Variants in IL9 observed in about 807,000 individuals in gnomAD.
The protein encoded by IL9 is interleukin-9.
Under a neutral mutation model 12.9 loss-of-function variants are expected in IL9, and 16 were observed. The observed-to-expected ratio is 1.24, with a 90% CI of 0.84 to 1.88. The LOEUF (loss-of-function observed/expected upper bound fraction) is 1.88. Among genes scored for constraint, IL9 ranks in the 40% most tolerant of loss-of-function variants. The pLI is 0.00. For synonymous variants in IL9, 69 were observed against 63.8 expected, an observed-to-expected ratio of 1.08 and a Z score of -0.39; for missense variants, 170 against 173.1, an observed-to-expected ratio of 0.98 and a Z score of 0.10.
At chr5:135,893,893 G>T in intron 4 of IL9, 127 bp downstream of exon 4, 1 of 678,220 alleles carries the variant, frequency 1.5e-6, no homozygotes, top group Non-Finnish European at 2.4e-6. Context: ...AAAATTCTTA[G>T]ATGTCTTTTA....
At chr5:135,894,650 C>T (rs991090478) in intron 3 of IL9, among the ~76,000 whole-genome samples, 4 of 152,300 alleles carry the variant, frequency 2.6e-5, no homozygotes, top group East Asian at 3.9e-4. Context: ...GGATGGACCG[C>T]GATGGGTGCG....
At chr5:135,892,761 CACACACACACACACACA>C (rs1561570684) in intron 4 of IL9, among the ~76,000 whole-genome samples, 88 of 151,536 alleles carry the variant, frequency 5.8e-4, no homozygotes, top group African/African-American at 2.0e-3. Context: ...CACACACACA[CACACACACACACACACA>C]CCCCTATTAA....
At chr5:135,893,989 A>G (rs2126855257) in intron 4 of IL9, 31 bp downstream of exon 4, 8 of 1,590,264 alleles carry the variant, frequency 5.0e-6, no homozygotes, top group Non-Finnish European at 6.8e-6. Flanking sequence ...AATCACCAAC[A>G]GGAACATATC....
At position 135,892,283 on chromosome 5, in the gene IL9, T is replaced by C; in HGVS notation, c.*108A>G. On this transcript the variant is annotated 3_prime_UTR_variant, in exon 5 of 5. Coordinates refer to ENST00000274520, the MANE Select transcript of IL9 (RefSeq NM_000590.2). ...ATAAAGACATACAATGTTAAACAAA[T>C]AATCACAACTGATACTGATTTAGAG... is the stretch of plus-strand genomic sequence containing the variant. 1.2e-6 allele frequency: 1 copy of C among 815,754 alleles called. No homozygotes were observed. The allele number at this position is 815,754 out of a possible 1,614,324, so 50.5% of individuals were successfully genotyped here.
intron 3 of IL9, among the ~76,000 whole-genome samples, 176 bp downstream of exon 3, chr5:135,895,264 G>C (rs2069876): frequency 6.6e-6 from 1 of 152,230 alleles, no homozygotes; most frequent in African/African-American, 2.4e-5. Flanking sequence ...TTTCAAGATC[G>C]TAGTTTTAAA....
chr5:135,892,733 TACACACACACACACACACACACACAC>T (rs59978451), intron 4 of IL9, among the ~76,000 whole-genome samples: 5 of 137,774 alleles, frequency 3.6e-5, no homozygotes, highest in African/African-American at 1.1e-4. Context: ...CAGGGGTCTT[TACACACACACACACACACACACACAC>T]ACACACACAC....
At chr5:135,893,149 G>A (rs1158104746) in intron 4 of IL9, among the ~76,000 whole-genome samples, 1 of 152,190 alleles carries the variant, frequency 6.6e-6, no homozygotes, top group Non-Finnish European at 1.5e-5. Flanking sequence ...AGGATCTTGT[G>A]TGGAGATGCT....
Position 135,895,448 on chromosome 5 carries a change from TGCCCAA to T in IL9, c.169_174del (p.Leu57_Gly58del), listed in dbSNP as rs1183783830. On this transcript the variant is annotated inframe_deletion, in exon 3 of 5. Transcript: ENST00000274520. ...TATTTCACTATACTTACAGAGGGAA[TGCCCAA>T]ACAGAGACAACTGGTCACCTGCAAG... 1.9e-6 allele frequency: 3 copies of T among 1,613,466 alleles called. No homozygotes were observed. Among genetic ancestry groups the T allele is most frequent in the African/African-American group, 1.3e-5 (1 of 74,894 alleles).
At position 135,895,021 on chromosome 5, in the gene IL9, G is replaced by A. The variant is rs886500073; in HGVS notation, c.183+419C>T. 3.9e-5 allele frequency among the ~76,000 whole-genome samples: 6 copies of A among 152,168 alleles called. No homozygotes were observed. In the South Asian group the frequency reaches 1.2e-3, roughly 32 times the overall value. On this transcript the variant is annotated intron_variant, in intron 3 of 4. Transcript: ENST00000274520. ...CATGACAGATGAAAGATAAGGAGTT[G>A]TCATTTTATTTACATTGTTTCACAA...
chr5:135,895,793 G>C lies in IL9; in HGVS notation c.24C>G (p.Thr8=). MLLAMVL[T]SALLLCSVAG... Reference sequence around the variant, plus strand: ...CCACGGAGCACAGGAGCAGGGCAGAGGTAAGGACCATGGCCAGAAGCATCT... The same window carrying C: ...CCACGGAGCACAGGAGCAGGGCAGACGTAAGGACCATGGCCAGAAGCATCT... Residue 8 remains threonine (T), a synonymous_variant, in exon 1 of 5, where the codon ACC becomes ACG. Coordinates refer to ENST00000274520, the MANE Select transcript of IL9 (RefSeq NM_000590.2). 6.2e-7 allele frequency: 1 copy of C among 1,613,814 alleles called. No homozygotes were observed. Among genetic ancestry groups the C allele is most frequent in the South Asian group, 1.1e-5 (1 of 91,052 alleles).
In IL9 at chr5:135,895,623, C is replaced by T. The variant is rs747312051; in HGVS notation, c.115-33G>A. Reference sequence around the variant, plus strand: ...AGATAGAGAGATAAGAACCTTTAGTCAGCCCCGAGTTTTTTCATCCTCATA... The same window carrying T: ...AGATAGAGAGATAAGAACCTTTAGTTAGCCCCGAGTTTTTTCATCCTCATA... On this transcript the variant is annotated intron_variant, in intron 1 of 4. Transcript: ENST00000274520. 4.3e-6 allele frequency: 7 copies of T among 1,613,534 alleles called. No homozygotes were observed. The Admixed American group carries it at 1.2e-4, about 27-fold the overall frequency.
chr5:135,893,057 A>G (rs2069889), intron 4 of IL9, among the ~76,000 whole-genome samples: 16 of 152,330 alleles, frequency 1.1e-4, no homozygotes, highest in Admixed American at 3.3e-4. Flanking sequence ...GAGACAGCAT[A>G]TATTAAGCAC....
rs201509284 is a variant in IL9 at position 135,892,464 on chromosome 5, G to T, written c.362C>A (p.Ala121Glu). 3 of 1,612,860 alleles carry T rather than the reference G, an allele frequency of 1.9e-6. No individual in the cohort carries two copies. The highest frequency in any genetic ancestry group is 1.7e-6 in the Non-Finnish European group (2 of 1,179,480). The change falls in exon 5 of 5, where the codon GCG becomes GAG. Residue 121 changes from alanine to glutamate, a missense_variant. Coordinates refer to ENST00000274520, the MANE Select transcript of IL9 (RefSeq NM_000590.2). ...QPCNQTTAGNALTFLKSLLEI... is the reference protein window; with the variant it reads ...QPCNQTTAGNELTFLKSLLEI... The stretch of plus-strand genomic sequence containing the variant: ...CAGAAGACTCTTCAGAAATGTCAGC[G>T]CGTTGCCTGCCGTGGTTTGGTTGCA...
chr5:135,893,405 A>C (rs978439173), intron 4 of IL9, among the ~76,000 whole-genome samples: 4 of 152,150 alleles, frequency 2.6e-5, no homozygotes, highest in Admixed American at 6.5e-5. Flanking sequence ...TGAGTTCAGG[A>C]GTTGGAGAGC....
chr5:135,893,879 G>T, intron 4 of IL9, 141 bp downstream of exon 4: 1 of 633,118 alleles, frequency 1.6e-6, no homozygotes, highest in Non-Finnish European at 2.7e-6. Flanking sequence ...TATTACTTCT[G>T]ATTAAAATTC....
chr5:135,893,088 T>C (rs1762896431), intron 4 of IL9, among the ~76,000 whole-genome samples: 1 of 152,228 alleles, frequency 6.6e-6, no homozygotes. Context: ...ATGCCATTGA[T>C]GGTAGAAACG....
chr5:135,893,611 C>CCAAAA (rs1001536097), intron 4 of IL9, among the ~76,000 whole-genome samples: 2 of 152,034 alleles, frequency 1.3e-5, no homozygotes, highest in African/African-American at 2.4e-5. Flanking sequence ...GACTCTGTCT[C>CCAAAA]CAAAACAAAA....
At chr5:135,894,564 G>T (rs31564) in intron 3 of IL9, among the ~76,000 whole-genome samples, 99,952 of 152,100 alleles carry the variant, frequency 0.66, 33,324 homozygotes, top group African/African-American at 0.76. Context: ...AAACATGGAC[G>T]GTACTCCAAG....
chr5:135,892,869 T>G (rs1762892319), intron 4 of IL9, among the ~76,000 whole-genome samples: 1 of 151,998 alleles, frequency 6.6e-6, no homozygotes, highest in African/African-American at 2.4e-5. Context: ...TCCTTTTAGG[T>G]TGTCTTTCCA....
Sources: gnomAD v4.1 joint callset for allele counts (sites outside exome capture counted in the v4.1 genomes callset) on GRCh38, gnomAD v4.1.1 for gene constraint, MANE v1.5 for transcripts, NCBI Gene and HGNC (gene_info 2026-07-23, HGNC 2026-07-21) for gene names.